The following JAKMIP1 variants were observed in gnomAD, a reference collection of about 807,000 sequenced individuals.
The protein encoded by JAKMIP1 is janus kinase and microtubule interacting protein 1.
A neutral mutation model predicts 113.0 loss-of-function variants in JAKMIP1; 33 were observed. That is an observed-to-expected ratio of 0.29 (90% CI 0.22 to 0.39). The LOEUF (loss-of-function observed/expected upper bound fraction) is 0.39, where lower values mean the gene tolerates loss of function less well. Ranked by LOEUF, JAKMIP1 falls within the 10% of genes least tolerant of loss-of-function variation. The probability of loss-of-function intolerance (pLI) is 1.00; values close to 1 mark genes in which losing one functional copy is unlikely to be tolerated. For synonymous variants in JAKMIP1, 480 were observed against 459.9 expected (o/e 1.04, Z -0.56); for missense variants, 813 against 1,080.5 (o/e 0.75, Z 3.47).
intron 3 of JAKMIP1, among the ~76,000 whole-genome samples, chr4:6,087,159 T>G (rs1260562650): frequency 6.6e-6 from 1 of 152,228 alleles, no homozygotes; most frequent in Non-Finnish European, 1.5e-5. Context: ...CTCTTACTTC[T>G]AAATCATAAA....
At chr4:6,102,305 A>T (rs1050307188) in intron 3 of JAKMIP1, among the ~76,000 whole-genome samples, 1 of 152,234 alleles carries the variant, frequency 6.6e-6, no homozygotes, top group Non-Finnish European at 1.5e-5. Context: ...AATGTGTCTC[A>T]CAAAAATTCA....
intron 18 of JAKMIP1, among the ~76,000 whole-genome samples, chr4:6,038,902 G>GC (rs1208250564): frequency 6.6e-6 from 1 of 152,194 alleles, no homozygotes; most frequent in Non-Finnish European, 1.5e-5. Context: ...GGCCTGCCCC[G>GC]CCTCACTCAG....
At chr4:6,074,764 A>G (rs966654607) in intron 8 of JAKMIP1, among the ~76,000 whole-genome samples, 12 of 152,242 alleles carry the variant, frequency 7.9e-5, no homozygotes, top group African/African-American at 2.7e-4. Context: ...ACAGTATACA[A>G]CAACGGTCCC....
intron 1 of JAKMIP1, among the ~76,000 whole-genome samples, chr4:6,161,904 A>T (rs972550073): frequency 2.0e-5 from 3 of 152,070 alleles, no homozygotes; most frequent in Non-Finnish European, 4.4e-5. Context: ...ATATGTTTGA[A>T]AGCTTTCTTG....
intron 1 of JAKMIP1, among the ~76,000 whole-genome samples, chr4:6,191,913 T>TTTATTTATTTATTTATTTA: frequency 7.1e-6 from 1 of 141,110 alleles, no homozygotes; most frequent in East Asian, 2.1e-4. Context: ...CAGGAGTGCA[T>TTTATTTATTTATTTATTTA]TTTATTTATT....
Position 6,199,081 on chromosome 4 carries a change from C to G in JAKMIP1, c.-148+1172G>C, listed in dbSNP as rs1451270767. Among the ~76,000 whole-genome samples, 1 of 152,262 alleles carries G rather than the reference C, an allele frequency of 6.6e-6. No individual in the cohort carries two copies. The highest frequency in any genetic ancestry group is 2.4e-5 in the African/African-American group (1 of 41,476). On this transcript the variant is annotated intron_variant, in intron 1 of 20. Coordinates refer to ENST00000409021, the MANE Select transcript of JAKMIP1 (RefSeq NM_001099433.2). This position sits in a 1 kb window ranked among gnomAD's most constrained non-coding sequence, Gnocchi z 5.6. ...AAGCTCAGGAGGGGCAAGGGGATCT[C>G]CCTGACTACAAGGAGCTGGCCAGCT...
intron 1 of JAKMIP1, among the ~76,000 whole-genome samples, chr4:6,117,861 G>A (rs1475618827): frequency 1.3e-5 from 2 of 152,196 alleles, no homozygotes; most frequent in Non-Finnish European, 2.9e-5. Context: ...GTTCTGCCTG[G>A]CTCACCAGCG....
chr4:6,188,660 C>T lies in JAKMIP1; in HGVS notation c.-148+11593G>A, dbSNP rs1345411362. Among the ~76,000 whole-genome samples the T allele has an allele frequency of 3.3e-5, 5 of 152,170 alleles. No individual in the cohort carries two copies. Among genetic ancestry groups the T allele is most frequent in the Admixed American group, 2.0e-4 (3 of 15,272 alleles). ...TCTGGGGCACCTGAGGTTTGGGGCA[C>T]CTGCATCCCTCCCCCATCTTCTGGC... On this transcript the variant is annotated intron_variant, in intron 1 of 20. Coordinates refer to ENST00000409021, the MANE Select transcript of JAKMIP1 (RefSeq NM_001099433.2). The surrounding 1 kb of genome is among the most constrained non-coding windows in gnomAD (Gnocchi z 5.8).
Position 6,190,255 on chromosome 4 carries a change from T to C in JAKMIP1, c.-148+9998A>G, listed in dbSNP as rs534930665. Among the ~76,000 whole-genome samples the C allele has an allele frequency of 8.5e-5, 13 of 152,288 alleles. 1 individual carries two copies. In the South Asian group the frequency reaches 2.7e-3, roughly 32 times the overall value. On this transcript the variant is annotated intron_variant, in intron 1 of 20. Transcript: ENST00000409021. ...TTACAACATGACGTTACAGGCTGCA[T>C]ATAGATCATAAGATGGTTACTATAG...
rs370058440 is a variant in JAKMIP1 at position 6,181,345 on chromosome 4, AC to A, written c.-148+18907del. Among the ~76,000 whole-genome samples, 24 of 152,260 alleles carry A rather than the reference AC, an allele frequency of 1.6e-4. No individual in the cohort carries two copies. The East Asian group carries it at 4.5e-3, about 28-fold the overall frequency. ...AGGGGCTCGAAGAGTAACACTAATT[AC>A]AGGCCTGGAGTACATAAACCAAGAT... On this transcript the variant is annotated intron_variant, in intron 1 of 20. Coordinates refer to ENST00000409021, the MANE Select transcript of JAKMIP1 (RefSeq NM_001099433.2). The surrounding 1 kb of genome is among the most constrained non-coding windows in gnomAD (Gnocchi z 5.4).
In JAKMIP1 at chr4:6,187,112, G is replaced by A. The variant is rs990497987; in HGVS notation, c.-148+13141C>T. ...CTCAAAATGCTAGGATTTCAGGCAT[G>A]AGCCACCATGCCCAGCCCACTTCTG... On this transcript the variant is annotated intron_variant, in intron 1 of 20. Coordinates refer to ENST00000409021, the MANE Select transcript of JAKMIP1 (RefSeq NM_001099433.2). This position sits in a 1 kb window ranked among gnomAD's most constrained non-coding sequence, Gnocchi z 4.2. Among the ~76,000 whole-genome samples, 2 of 152,152 alleles carry A rather than the reference G, an allele frequency of 1.3e-5. No individual in the cohort carries two copies. The highest frequency in any genetic ancestry group is 1.9e-4 in the East Asian group (1 of 5,190).
chr4:6,159,381 C>T (rs928438899), intron 1 of JAKMIP1, among the ~76,000 whole-genome samples: 3 of 151,838 alleles, frequency 2.0e-5, no homozygotes, highest in African/African-American at 7.3e-5. Flanking sequence ...ACAGCAAAAG[C>T]ATCATCATAG....
chr4:6,145,975 G>T lies in JAKMIP1; in HGVS notation c.-147-32978C>A, dbSNP rs578007366. On this transcript the variant is annotated intron_variant, in intron 1 of 20. Transcript: ENST00000409021. ...CTGAGGTACTGAGGATGAAGGCTTC[G>T]ACATAGGAACTTTGGGGGGACACAT... Among the ~76,000 whole-genome samples, 5 of 152,226 alleles carry T rather than the reference G, an allele frequency of 3.3e-5. No homozygotes were observed. In the South Asian group the frequency reaches 8.3e-4, roughly 25 times the overall value.
chr4:6,123,147 G>A (rs987250693), intron 1 of JAKMIP1, among the ~76,000 whole-genome samples: 4 of 152,154 alleles, frequency 2.6e-5, no homozygotes, highest in African/African-American at 4.8e-5. Flanking sequence ...ACATACCCTC[G>A]AAAATGCACA....
chr4:6,164,273 T>C (rs1723313861), intron 1 of JAKMIP1, among the ~76,000 whole-genome samples: 1 of 152,180 alleles, frequency 6.6e-6, no homozygotes, highest in African/African-American at 2.4e-5. Flanking sequence ...CATTAGGAGA[T>C]CCTAGGGCCC....
At position 6,183,506 on chromosome 4, in the gene JAKMIP1, A is replaced by AAATAAATAAATTAATT. The variant is rs1239214147; in HGVS notation, c.-148+16746_-148+16747insAATTAATTTATTTATT. On this transcript the variant is annotated intron_variant, in intron 1 of 20. Coordinates refer to ENST00000409021, the MANE Select transcript of JAKMIP1 (RefSeq NM_001099433.2). The surrounding 1 kb of genome is among the most constrained non-coding windows in gnomAD (Gnocchi z 5.3). ...TAAATAAATAAATAAATAAATAAAT[A>AAATAAATAAATTAATT]AATTTAAAAAAGAAAGTAAAATGGA... 5.3e-5 allele frequency among the ~76,000 whole-genome samples: 8 copies of AAATAAATAAATTAATT among 151,172 alleles called. No homozygotes were observed. The East Asian group carries it at 5.8e-4, about 11-fold the overall frequency.
rs1000508337 is a variant in JAKMIP1, at chr4:6,143,684, C to T, written c.-147-30687G>A. Among the ~76,000 whole-genome samples the T allele has an allele frequency of 6.6e-6, 1 of 152,206 alleles. No individual in the cohort carries two copies. Among genetic ancestry groups the T allele is most frequent in the South Asian group, 2.1e-4 (1 of 4,830 alleles). ...CTTGTTAGGAGTTAAAATTCTTTGG[C>T]CTCAACAGTAACCTACTGAACAGAA... On this transcript the variant is annotated intron_variant, in intron 1 of 20. Coordinates refer to ENST00000409021, the MANE Select transcript of JAKMIP1 (RefSeq NM_001099433.2). The surrounding 1 kb of genome is among the most constrained non-coding windows in gnomAD (Gnocchi z 4.9).
At position 6,062,043 on chromosome 4, in the gene JAKMIP1, G is replaced by A. The variant is rs147258911; in HGVS notation, c.1560+269C>T. Among the ~76,000 whole-genome samples the A allele has an allele frequency of 9.7e-4, 148 of 152,338 alleles. 2 individuals carry two copies. Among genetic ancestry groups the A allele is most frequent in the East Asian group, 5.8e-3 (30 of 5,180 alleles). On this transcript the variant is annotated intron_variant, in intron 10 of 20. Transcript: ENST00000409021. The stretch of plus-strand genomic sequence containing the variant: ...ATTTCATCACTTAGTGTTAAATTCT[G>A]AACACATGCTCTCCTCCAAACAGAC...
At chr4:6,079,774 A>G (rs1350755882) in intron 7 of JAKMIP1, among the ~76,000 whole-genome samples, 1 of 152,186 alleles carries the variant, frequency 6.6e-6, no homozygotes, top group Non-Finnish European at 1.5e-5. Context: ...GCCTAAACTC[A>G]CAGTCTGCAA....
Sources: allele counts gnomAD v4.1 joint callset (sites outside exome capture counted in the v4.1 genomes callset), GRCh38; gene constraint gnomAD v4.1.1; non-coding constraint Gnocchi (gnomAD v3.1); transcripts MANE v1.5; gene names NCBI Gene and HGNC (gene_info 2026-07-23, HGNC 2026-07-21).